Variants in ACTR3C observed in about 807,000 individuals in gnomAD.
ACTR3C encodes actin related protein 3C.
A neutral mutation model predicts 26.3 loss-of-function variants in ACTR3C; 18 were observed. That is an observed-to-expected ratio of 0.68 (90% CI 0.47 to 1.01). ACTR3C has a LOEUF of 1.01. ACTR3C is among the 50% of genes least tolerant of loss of function. ACTR3C has a pLI of 0.00. For missense variants in ACTR3C, 184 were observed against 250.7 expected, an observed-to-expected ratio of 0.73 and a Z score of 1.80; for synonymous variants, 55 against 94.5, an observed-to-expected ratio of 0.58 and a Z score of 2.42.
At chr7:150,041,359 C>CGAGCTG in the ACTR3C span, 26 of 150,840 alleles carry the variant, frequency 1.7e-4, 1 homozygote, top group African/African-American at 4.5e-4. Context: ...TTTCTGTTCC[C>CGAGCTG]GAGCTGCGTT....
the ACTR3C span, among the ~76,000 whole-genome samples, chr7:149,967,738 G>A: frequency 1.3e-5 from 2 of 152,170 alleles, no homozygotes; most frequent in Admixed American, 6.5e-5. Context: ...TGAGTGTATT[G>A]CAGGAAATGT....
the ACTR3C span, chr7:150,047,552 G>A: frequency 2.2e-6 from 2 of 907,474 alleles, no homozygotes; most frequent in Non-Finnish European, 2.7e-6. Context: ...GACGCGTCTC[G>A]CTGCGCGCTC....
chr7:150,196,602 A>G, the ACTR3C span, among the ~76,000 whole-genome samples: 6 of 152,132 alleles, frequency 3.9e-5, no homozygotes, highest in Non-Finnish European at 8.8e-5. Context: ...TTGCCTTTCC[A>G]TATTCCTCAT....
the ACTR3C span, among the ~76,000 whole-genome samples, chr7:149,899,736 G>T: frequency 6.6e-6 from 1 of 151,868 alleles, no homozygotes; most frequent in African/African-American, 2.4e-5. Flanking sequence ...AGAAACAATG[G>T]CTAAAACTGC....
the ACTR3C span, among the ~76,000 whole-genome samples, chr7:150,026,077 A>C: frequency 1.3e-5 from 2 of 152,120 alleles, no homozygotes; most frequent in Non-Finnish European, 2.9e-5. Context: ...AAAGAAAGGG[A>C]AAATGCCTGG....
At chr7:150,195,588 T>A in the ACTR3C span, among the ~76,000 whole-genome samples, 2 of 151,698 alleles carry the variant, frequency 1.3e-5, no homozygotes, top group Non-Finnish European at 1.5e-5. Context: ...AAAAGATCAC[T>A]TCAGGGGGGG....
chr7:150,047,524 C>A, the ACTR3C span: 11 of 753,920 alleles, frequency 1.5e-5, no homozygotes, highest in African/African-American at 9.7e-5. Flanking sequence ...ATTCCCCCCC[C>A]CACAGATGCC....
chr7:149,983,391 A>G, the ACTR3C span, among the ~76,000 whole-genome samples: 15,236 of 131,338 alleles, frequency 0.12, 2,078 homozygotes, highest in African/African-American at 0.34. Flanking sequence ...ACCTATTAGG[A>G]TTGCTATTAT....
the ACTR3C span, among the ~76,000 whole-genome samples, chr7:150,006,859 T>C: frequency 6.6e-6 from 1 of 152,256 alleles, no homozygotes; most frequent in Non-Finnish European, 1.5e-5. Context: ...AATACAAACC[T>C]TAGATTTCAA....
chr7:150,219,572 C>T, the ACTR3C span, among the ~76,000 whole-genome samples: 1 of 140,044 alleles, frequency 7.1e-6, no homozygotes, highest in African/African-American at 3.2e-5. Context: ...AGGATCCGTG[C>T]GAAATCCGGA....
chr7:149,987,607 C>T, the ACTR3C span, among the ~76,000 whole-genome samples: 1 of 136,242 alleles, frequency 7.3e-6, no homozygotes, highest in African/African-American at 2.5e-5. Context: ...AGAAAAGTAA[C>T]AGCATACTAG....
intron 3 of ACTR3C, among the ~76,000 whole-genome samples, chr7:150,292,532 G>T (rs184704881): frequency 1.5e-5 from 2 of 129,236 alleles, no homozygotes; most frequent in South Asian, 2.7e-4. Flanking sequence ...ACGGAGTTTC[G>T]CTCTTGTTGC....
intron 6 of ACTR3C, among the ~76,000 whole-genome samples, chr7:150,280,548 G>C (rs960951688): frequency 2.0e-5 from 3 of 152,192 alleles, no homozygotes; most frequent in Non-Finnish European, 4.4e-5. Flanking sequence ...CAAACTTGCA[G>C]TCAGAAGATG....
the ACTR3C span, among the ~76,000 whole-genome samples, chr7:150,178,777 A>C: frequency 6.6e-6 from 1 of 150,916 alleles, no homozygotes; most frequent in East Asian, 1.9e-4. Context: ...TTAAAATGTC[A>C]ACCAATGAAT....
downstream of ACTR3C, among the ~76,000 whole-genome samples, chr7:150,242,251 A>T (rs1584806481): frequency 6.6e-6 from 1 of 151,148 alleles, no homozygotes; most frequent in East Asian, 1.9e-4. Flanking sequence ...GGAAGAATAT[A>T]TTCATAAATG....
downstream of ACTR3C, chr7:150,243,909 A>G (rs1243970906): frequency 3.3e-5 from 5 of 151,418 alleles, no homozygotes; most frequent in African/African-American, 7.3e-5. Flanking sequence ...ACTTTCAAAG[A>G]CTGTTATCTG....
At chr7:150,139,980 A>G in the ACTR3C span, among the ~76,000 whole-genome samples, 1 of 152,154 alleles carries the variant, frequency 6.6e-6, no homozygotes, top group Admixed American at 6.5e-5. Context: ...ATGCACACAC[A>G]CACACATACG....
the ACTR3C span, among the ~76,000 whole-genome samples, chr7:150,228,189 T>C: frequency 6.6e-6 from 1 of 152,194 alleles, no homozygotes; most frequent in Non-Finnish European, 1.5e-5. Flanking sequence ...TCACCTGAGT[T>C]TTATAGTTTT....
chr7:150,140,884 A>C, the ACTR3C span, among the ~76,000 whole-genome samples: 1 of 152,276 alleles, frequency 6.6e-6, no homozygotes, highest in Non-Finnish European at 1.5e-5. Flanking sequence ...GCAAAGGCAA[A>C]GTTCTTGAAG....
Sources: allele counts gnomAD v4.1 joint callset (sites outside exome capture counted in the v4.1 genomes callset), GRCh38; gene constraint gnomAD v4.1.1; transcripts MANE v1.5; gene names NCBI Gene and HGNC (gene_info 2026-07-23, HGNC 2026-07-21).